MORF4L1: variants seen among roughly 807,000 people sequenced by gnomAD.
The protein encoded by MORF4L1 is mortality factor 4 like 1, also known as mortality factor 4-like protein 1.
MORF4L1 carries 4 observed loss-of-function variants against 52.9 expected under a neutral mutation model. The observed-to-expected ratio is 0.08, with a 90% CI of 0.04 to 0.17. The LOEUF is 0.17. Among genes scored for constraint, MORF4L1 ranks in the 10% least tolerant of loss-of-function variants. MORF4L1 has a pLI of 1.00. For missense variants in MORF4L1, 214 were observed against 390.4 expected, an observed-to-expected ratio of 0.55 and a Z score of 3.81; for synonymous variants, 123 against 134.8, an observed-to-expected ratio of 0.91 and a Z score of 0.61.
chr15:78,884,989 T>C (rs2056674003), intron 3 of MORF4L1: 2 of 1,613,962 alleles, frequency 1.2e-6, no homozygotes, highest in African/African-American at 1.3e-5. Flanking sequence ...GCCCAGGCGC[T>C]CTGAAAAATC....
chr15:78,879,260 C>T (rs928283971), intron 2 of MORF4L1, among the ~76,000 whole-genome samples: 1 of 151,530 alleles, frequency 6.6e-6, no homozygotes, highest in Non-Finnish European at 1.5e-5. Context: ...ATTGCTCTGT[C>T]GCCCAGGCTG....
chr15:78,881,422 T>G (rs979106890), intron 3 of MORF4L1, among the ~76,000 whole-genome samples: 1 of 151,942 alleles, frequency 6.6e-6, no homozygotes, highest in Non-Finnish European at 1.5e-5. Flanking sequence ...TCTTGAACTC[T>G]TGACCTCAGG....
At chr15:78,887,609 T>C (rs1347261691) in intron 5 of MORF4L1, among the ~76,000 whole-genome samples, 2 of 152,216 alleles carry the variant, frequency 1.3e-5, no homozygotes, top group Admixed American at 6.5e-5. Context: ...GTACTAGTGG[T>C]TATAAGTTTT....
chr15:78,893,324 C>G lies in MORF4L1; in HGVS notation c.541-215C>G, dbSNP rs533340843. On this transcript the variant is annotated intron_variant, in intron 8 of 11. Coordinates refer to ENST00000426013, the MANE Select transcript of MORF4L1 (RefSeq NM_006791.4). ...AGAATGGGGTTACATCGCAATAAACCCAGCAGAGAGTTGGAAAATTAAGTC... is the reference window on the plus strand; with the variant it reads ...AGAATGGGGTTACATCGCAATAAACGCAGCAGAGAGTTGGAAAATTAAGTC... 3.9e-5 allele frequency among the ~76,000 whole-genome samples: 6 copies of G among 152,162 alleles called. No individual in the cohort carries two copies. In the South Asian group the frequency reaches 1.2e-3, roughly 32 times the overall value.
intron 8 of MORF4L1, 39 bp downstream of exon 8, chr15:78,892,352 T>A (rs779145543): frequency 1.4e-6 from 2 of 1,451,868 alleles, no homozygotes; most frequent in Non-Finnish European, 1.9e-6. Context: ...AGCTATATGA[T>A]ACATTCTTGC....
chr15:78,881,648 C>G (rs141865112), intron 3 of MORF4L1, among the ~76,000 whole-genome samples: 3 of 152,202 alleles, frequency 2.0e-5, no homozygotes, highest in Non-Finnish European at 2.9e-5. Flanking sequence ...CACAAATAAC[C>G]CTGTCTAAAA....
At chr15:78,887,421 C>A in intron 5 of MORF4L1, 72 bp downstream of exon 5, 1 of 1,361,244 alleles carries the variant, frequency 7.3e-7, no homozygotes. Flanking sequence ...GTGTGTTAGA[C>A]TGTGTTGAAG....
Position 78,894,749 on chromosome 15 carries a change from A to G in MORF4L1, c.803-71A>G, listed in dbSNP as rs887427028. 1.5e-4 allele frequency: 176 copies of G among 1,168,290 alleles called. 1 individual carries two copies. The Middle Eastern group carries it at 2.4e-3, about 16-fold the overall frequency. 72.4% of individuals were successfully genotyped at this position (1,168,290 alleles called of 1,614,324 possible). A position where few individuals can be genotyped will look rare whatever the true frequency, so the allele number is the denominator to read the frequency against. ...AAAGGAATTGGTGGTGTTTGCTCAC[A>G]TAATTAAAATACATGGTTGTAGTGC... is the stretch of plus-strand genomic sequence containing the variant. On this transcript the variant is annotated intron_variant, in intron 10 of 11. Coordinates refer to ENST00000426013, the MANE Select transcript of MORF4L1 (RefSeq NM_006791.4).
chr15:78,887,238 T>C, intron 4 of MORF4L1, 31 bp from the exon 5 acceptor site: 1 of 1,567,612 alleles, frequency 6.4e-7, no homozygotes, highest in South Asian at 1.2e-5. Flanking sequence ...ATGCTCATTT[T>C]ATGTTGACAT....
chr15:78,890,942 C>T, intron 5 of MORF4L1, 47 bp from the exon 6 acceptor site: 1 of 1,379,452 alleles, frequency 7.2e-7, no homozygotes, highest in African/African-American at 1.5e-5. Context: ...GAAACAGAGG[C>T]AGTTTTACTG....
At position 78,894,922 on chromosome 15, in the gene MORF4L1, A is replaced by T. The variant is rs1434243430; in HGVS notation, c.887+18A>T. The T allele has an allele frequency of 6.9e-6, 11 of 1,586,748 alleles. No individual in the cohort carries two copies. In the Admixed American group the frequency reaches 1.8e-4, roughly 26 times the overall value. On this transcript the variant is annotated intron_variant, in intron 11 of 11. Transcript: ENST00000426013. Reference sequence around the variant, plus strand: ...TTCCTAAAGTAAGTCTGTGCTTGAAATTATAAACATGGATTTGAAAATTAG... The same window carrying T: ...TTCCTAAAGTAAGTCTGTGCTTGAATTTATAAACATGGATTTGAAAATTAG...
intron 1 of MORF4L1, among the ~76,000 whole-genome samples, chr15:78,877,266 A>C (rs1271432024): frequency 6.6e-6 from 1 of 151,934 alleles, no homozygotes; most frequent in Non-Finnish European, 1.5e-5. Flanking sequence ...GATTACAGGC[A>C]CACACCACCA....
intron 1 of MORF4L1, 148 bp downstream of exon 1, chr15:78,873,205 G>T: frequency 6.6e-7 from 1 of 1,515,310 alleles, no homozygotes; most frequent in Non-Finnish European, 8.8e-7. Context: ...AGCGCATTGC[G>T]GATGGCAATT....
rs181643365 is a variant in MORF4L1, at chr15:78,876,069, C to G, written c.41-2144C>G. On this transcript the variant is annotated intron_variant, in intron 1 of 11. Coordinates refer to ENST00000426013, the MANE Select transcript of MORF4L1 (RefSeq NM_006791.4). The stretch of plus-strand genomic sequence containing the variant: ...TCACCTGCCTCAGCCTCCTGAGTAG[C>G]TGGGATTATAGGCACGCGCCACCAC... Among the ~76,000 whole-genome samples the G allele has an allele frequency of 7.6e-4, 115 of 151,978 alleles. No homozygotes were observed. The East Asian group carries it at 0.022, about 29-fold the overall frequency.
At chr15:78,880,868 T>G (rs908429414) in intron 3 of MORF4L1, among the ~76,000 whole-genome samples, 1 of 50,198 alleles carries the variant, frequency 2.0e-5, no homozygotes, top group African/African-American at 4.6e-5. Context: ...CACATTTTTC[T>G]GTTTTTTTTT....
rs368341887 is a variant in MORF4L1, at chr15:78,873,157, G to C, written c.40+100G>C. ...GAGGGCCGGGGGCGGCGCGGGCTGCGCCCTGAGAAGGCGGCGGTCAGTGCT... is the reference window on the plus strand; with the variant it reads ...GAGGGCCGGGGGCGGCGCGGGCTGCCCCCTGAGAAGGCGGCGGTCAGTGCT... On this transcript the variant is annotated intron_variant, in intron 1 of 11. Transcript: ENST00000426013. 17 of 1,537,970 alleles carry C rather than the reference G, an allele frequency of 1.1e-5. No homozygotes were observed. The East Asian group carries it at 1.2e-4, about 11-fold the overall frequency.
At chr15:78,895,877 CTT>C (rs1232197388) in intron 11 of MORF4L1, among the ~76,000 whole-genome samples, 4 of 151,546 alleles carry the variant, frequency 2.6e-5, no homozygotes, top group Admixed American at 1.3e-4. Context: ...GATTTATCAT[CTT>C]TTCTTTACTA....
intron 11 of MORF4L1, among the ~76,000 whole-genome samples, chr15:78,895,489 C>A (rs190246828): frequency 4.1e-4 from 62 of 152,264 alleles, no homozygotes; most frequent in Non-Finnish European, 7.5e-4. Context: ...GAGAAAAGGG[C>A]AATCCTGGTT....
Position 78,894,812 on chromosome 15 carries a change from T to G in MORF4L1, c.803-8T>G. The G allele has an allele frequency of 6.2e-7, 1 of 1,608,820 alleles. No individual in the cohort carries two copies. The highest frequency in any genetic ancestry group is 8.5e-7 in the Non-Finnish European group (1 of 1,175,218). On this transcript the variant is annotated splice_polypyrimidine_tract_variant and splice_region_variant and intron_variant, in intron 10 of 11. Transcript: ENST00000426013. ...TGTAACTTTGGATAAATTCTCTTGT[T>G]TAAACAGTACGAATTGGAGCAATGT...
Sources: gnomAD v4.1 joint callset for allele counts (sites outside exome capture counted in the v4.1 genomes callset) on GRCh38, gnomAD v4.1.1 for gene constraint, MANE v1.5 for transcripts, NCBI Gene and HGNC (gene_info 2026-07-23, HGNC 2026-07-21) for gene names.